The following RLF variants were observed in gnomAD, a reference collection of about 807,000 sequenced individuals.
RLF encodes the protein RLF zinc finger.
Under a neutral mutation model 162.9 loss-of-function variants are expected in RLF, and 7 were observed. The observed-to-expected ratio is 0.04, with a 90% CI of 0.02 to 0.08. The LOEUF (loss-of-function observed/expected upper bound fraction) is 0.08, where lower values mean the gene tolerates loss of function less well. Among genes scored for constraint, RLF ranks in the 10% least tolerant of loss-of-function variants. The pLI, the probability that RLF is intolerant of heterozygous loss-of-function variation, is 1.00. For missense variants in RLF, 1,664 were observed against 2,244.7 expected (o/e 0.74, Z 5.23); for synonymous variants, 782 against 791.5 (o/e 0.99, Z 0.20).
chr1:40,182,754 T>TAGGTAGGTAGAC (rs1278747629), intron 1 of RLF, among the ~76,000 whole-genome samples: 2 of 12,922 alleles, frequency 1.5e-4, no homozygotes, highest in East Asian at 0.01. Context: ...GATAGATAGG[T>TAGGTAGGTAGAC]AGATAGATAG....
In RLF at chr1:40,238,448, A is replaced by G; in HGVS notation, c.3746A>G (p.Asp1249Gly). ...SEKPHCHPKKDECSSETDLES... is the reference protein window; with the variant it reads ...SEKPHCHPKKGECSSETDLES... ...AAACCACACTGTCATCCTAAAAAGG[A>G]TGAATGTAGTTCTGAAACAGATTTG... Residue 1249 changes from aspartate to glycine, a missense_variant, in exon 8 of 8, where the codon GAT (aspartate) becomes GGT (glycine). Asp to Gly is a moderately conservative substitution (Grantham distance 94). Coordinates refer to ENST00000372771, the MANE Select transcript of RLF (RefSeq NM_012421.4). This position sits in a 1 kb window ranked among gnomAD's most constrained non-coding sequence, Gnocchi z 5.2. 6.2e-7 allele frequency: 1 copy of G among 1,614,144 alleles called. No homozygotes were observed. The highest frequency in any genetic ancestry group is 1.1e-5 in the South Asian group (1 of 91,080).
intron 1 of RLF, among the ~76,000 whole-genome samples, chr1:40,187,869 C>CA (rs1159000381): frequency 6.6e-6 from 1 of 152,100 alleles, no homozygotes; most frequent in African/African-American, 2.4e-5. Context: ...GCAGAAAAAT[C>CA]AAAGACAGGA....
chr1:40,193,584 C>G (rs960125501), intron 3 of RLF, among the ~76,000 whole-genome samples: 1 of 152,018 alleles, frequency 6.6e-6, no homozygotes, highest in Non-Finnish European at 1.5e-5. Flanking sequence ...AAAGTAAACG[C>G]GAGTCATTCT....
In RLF at chr1:40,238,926, T is replaced by G; in HGVS notation, c.4224T>G (p.Ser1408=). ...LSEAGSAARF[S]CNQPQCPAVF... Reference sequence around the variant, plus strand: ...AAGCTGGATCTGCAGCAAGGTTTTCTTGTAACCAGCCTCAGTGCCCTGCTG... The same window carrying G: ...AAGCTGGATCTGCAGCAAGGTTTTCGTGTAACCAGCCTCAGTGCCCTGCTG... The change falls in exon 8 of 8, where the codon TCT becomes TCG. Residue 1408 remains serine, a synonymous_variant. Transcript: ENST00000372771. The surrounding 1 kb of genome is among the most constrained non-coding windows in gnomAD (Gnocchi z 5.2). 6.2e-7 allele frequency: 1 copy of G among 1,614,238 alleles called. No homozygotes were observed. Among genetic ancestry groups the G allele is most frequent in the Non-Finnish European group, 8.5e-7 (1 of 1,180,026 alleles).
chr1:40,236,569 G>A lies in RLF; in HGVS notation c.1867G>A (p.Gly623Ser). 1 of 1,614,100 alleles carries A rather than the reference G, an allele frequency of 6.2e-7. No homozygotes were observed. Among genetic ancestry groups the A allele is most frequent in the Non-Finnish European group, 8.5e-7 (1 of 1,180,024 alleles). The stretch of plus-strand genomic sequence containing the variant: ...CTCTAAAAAGAAATTACTGTTAAAA[G>A]GCTCTCAAAAGGGTATTTGTCCTAA... ...DRSKKKLLLK[G>S]SQKGICPKSP... Residue 623 changes from glycine to serine, a missense_variant, in exon 8 of 8, where the codon GGC (glycine) becomes AGC (serine). By Grantham distance (56) the Gly-to-Ser change is moderately conservative. Coordinates refer to ENST00000372771, the MANE Select transcript of RLF (RefSeq NM_012421.4). This position sits in a 1 kb window ranked among gnomAD's most constrained non-coding sequence, Gnocchi z 7.7.
At chr1:40,200,867 T>TCCACACAC (rs1642702730) in intron 4 of RLF, among the ~76,000 whole-genome samples, 1 of 34,840 alleles carries the variant, frequency 2.9e-5, no homozygotes, top group Admixed American at 3.8e-4. Context: ...ATTGCTACTC[T>TCCACACAC]ACACACACAC....
chr1:40,203,770 G>C (rs958933488), intron 5 of RLF, among the ~76,000 whole-genome samples: 2 of 151,966 alleles, frequency 1.3e-5, no homozygotes, highest in African/African-American at 4.8e-5. Flanking sequence ...TTTTTTATTA[G>C]ATGTAGTAGT....
chr1:40,179,898 A>C (rs957389469), intron 1 of RLF, among the ~76,000 whole-genome samples: 2 of 152,218 alleles, frequency 1.3e-5, no homozygotes, highest in African/African-American at 4.8e-5. Flanking sequence ...TGTCCTCAAG[A>C]TATATCATGT....
intron 4 of RLF, among the ~76,000 whole-genome samples, chr1:40,196,318 T>G (rs1642635781): frequency 6.6e-6 from 1 of 152,172 alleles, no homozygotes; most frequent in African/African-American, 2.4e-5. Flanking sequence ...GTGATCCACC[T>G]GCCTTGGCCT....
chr1:40,237,364 C>G lies in RLF; in HGVS notation c.2662C>G (p.Leu888Val). 1 of 1,613,718 alleles carries G rather than the reference C, an allele frequency of 6.2e-7. No individual in the cohort carries two copies. The highest frequency in any genetic ancestry group is 8.5e-7 in the Non-Finnish European group (1 of 1,179,914). Residue 888 changes from leucine to valine, a missense_variant, in exon 8 of 8, where the codon CTG becomes GTG. Physicochemically the swap from Leu to Val is conservative, Grantham distance 32. Coordinates refer to ENST00000372771, the MANE Select transcript of RLF (RefSeq NM_012421.4). This position sits in a 1 kb window ranked among gnomAD's most constrained non-coding sequence, Gnocchi z 4.4. ...AATAGATACAGAAACTGCAGAAAACCTGAAAGAAAACAGTGACAGTAATTC... is the reference window on the plus strand; with the variant it reads ...AATAGATACAGAAACTGCAGAAAACGTGAAAGAAAACAGTGACAGTAATTC... ...SQIDTETAEN[L>V]KENSDSNSSD...
chr1:40,207,420 G>T (rs1436205579), intron 5 of RLF, among the ~76,000 whole-genome samples: 1 of 151,900 alleles, frequency 6.6e-6, no homozygotes, highest in Non-Finnish European at 1.5e-5. Context: ...TTGAAATATA[G>T]TTATGCTATC....
chr1:40,224,623 CTTTTTTTTTTTTTTTT>C (rs1168908018), intron 6 of RLF, among the ~76,000 whole-genome samples: 1 of 33,262 alleles, frequency 3.0e-5, no homozygotes, highest in Non-Finnish European at 4.8e-5. Context: ...TTTTTGAAAG[CTTTTTTTTTTTTTTTT>C]TTTTTTTTTT....
chr1:40,166,821 A>G (rs1020083925), intron 1 of RLF, among the ~76,000 whole-genome samples: 2 of 117,264 alleles, frequency 1.7e-5, no homozygotes, highest in African/African-American at 6.6e-5. Flanking sequence ...ACTTGGACGC[A>G]GGGTGGGGAA....
chr1:40,222,487 G>T, intron 5 of RLF, 87 bp from the exon 6 acceptor site: 2 of 1,221,142 alleles, frequency 1.6e-6, no homozygotes, highest in Non-Finnish European at 2.3e-6. Flanking sequence ...TCTAATTTTT[G>T]CCTCATTAAG....
intron 5 of RLF, among the ~76,000 whole-genome samples, chr1:40,216,469 CAA>C (rs1245715700): frequency 7.1e-6 from 1 of 140,044 alleles, no homozygotes; most frequent in African/African-American, 2.7e-5. Context: ...GCTTGGGCAA[CAA>C]GAGCGAAACT....
intron 1 of RLF, among the ~76,000 whole-genome samples, chr1:40,183,781 C>T (rs538233887): frequency 6.6e-6 from 1 of 152,090 alleles, no homozygotes; most frequent in African/African-American, 2.4e-5. Context: ...TTGACAGTGG[C>T]TCCTCATTTT....
intron 4 of RLF, among the ~76,000 whole-genome samples, chr1:40,196,953 G>A (rs1006110905): frequency 6.6e-6 from 1 of 152,142 alleles, no homozygotes; most frequent in African/African-American, 2.4e-5. Flanking sequence ...AAAGTTCAAA[G>A]GATTACACTC....
intron 4 of RLF, among the ~76,000 whole-genome samples, chr1:40,201,693 A>G (rs1477092857): frequency 6.6e-6 from 1 of 151,968 alleles, no homozygotes; most frequent in East Asian, 1.9e-4. Flanking sequence ...CCAAGTGCCT[A>G]ATATTCAGTA....
At chr1:40,201,870 G>A (rs904179863) in intron 4 of RLF, among the ~76,000 whole-genome samples, 3 of 152,052 alleles carry the variant, frequency 2.0e-5, no homozygotes, top group Non-Finnish European at 2.9e-5. Flanking sequence ...AAAGTGAACA[G>A]TTTTCTTTAT....
Sources: gnomAD v4.1 joint callset for allele counts (sites outside exome capture counted in the v4.1 genomes callset) on GRCh38, gnomAD v4.1.1 for gene constraint, Gnocchi (gnomAD v3.1) non-coding constraint, MANE v1.5 for transcripts, NCBI Gene and HGNC (gene_info 2026-07-23, HGNC 2026-07-21) for gene names.